ZNHIT6: variants seen among roughly 807,000 people sequenced by gnomAD.
The protein encoded by ZNHIT6 is zinc finger HIT-type containing 6.
Under a neutral mutation model 57.2 loss-of-function variants are expected in ZNHIT6, and 45 were observed. The ratio of observed to expected loss-of-function variants is 0.79; its 90% CI spans 0.62 to 1.01. The LOEUF is 1.01. ZNHIT6 is among the 50% of genes least tolerant of loss of function. ZNHIT6 has a pLI of 0.00. For synonymous variants in ZNHIT6, 188 were observed against 190.0 expected (o/e 0.99, Z 0.09); for missense variants, 528 against 567.3 (o/e 0.93, Z 0.70).
chr1:85,679,337 A>C (rs1311769163), intron 6 of ZNHIT6, among the ~76,000 whole-genome samples: 5 of 152,164 alleles, frequency 3.3e-5, no homozygotes, highest in African/African-American at 1.2e-4. Context: ...TTCCTCAACC[A>C]TTTATACATA....
chr1:85,703,447 G>C (rs1022849354), intron 4 of ZNHIT6, among the ~76,000 whole-genome samples: 3 of 152,104 alleles, frequency 2.0e-5, no homozygotes, highest in African/African-American at 7.2e-5. Context: ...ATACCAGTAG[G>C]CCAACAGAAT....
intron 8 of ZNHIT6, among the ~76,000 whole-genome samples, chr1:85,667,478 T>C (rs1570292509): frequency 1.3e-5 from 2 of 152,114 alleles, no homozygotes; most frequent in Admixed American, 6.6e-5. Flanking sequence ...TTGTACATTC[T>C]TAAATTGACA....
Position 85,707,790 on chromosome 1 carries a change from C to T in ZNHIT6, c.495G>A (p.Glu165=). 1.2e-6 allele frequency: 2 copies of T among 1,614,062 alleles called. No individual in the cohort carries two copies. The highest frequency in any genetic ancestry group is 1.7e-6 in the Non-Finnish European group (2 of 1,179,956). The change falls in exon 1 of 10, where the codon GAG becomes GAA. Residue 165 remains glutamate, a synonymous_variant. Transcript: ENST00000370574. ...CTTTTATGCATTGACCAACAAACTT[C>T]TCCTCCTGTTTTATCTCCAAGTTAT... is the stretch of plus-strand genomic sequence containing the variant. ...EKDNLEIKQE[E]KFVGQCIKEE...
intron 9 of ZNHIT6, among the ~76,000 whole-genome samples, chr1:85,657,158 T>A (rs1661083161): frequency 6.6e-6 from 1 of 152,160 alleles, no homozygotes; most frequent in African/African-American, 2.4e-5. Context: ...AGAAGCACAG[T>A]TAGTTTACTT....
chr1:85,704,939 G>A (rs1206654208), intron 4 of ZNHIT6, among the ~76,000 whole-genome samples: 1 of 152,138 alleles, frequency 6.6e-6, no homozygotes, highest in Non-Finnish European at 1.5e-5. Context: ...GCAAGAGTAT[G>A]AAAATTAAGT....
chr1:85,688,401 T>A (rs1309155877), intron 5 of ZNHIT6, among the ~76,000 whole-genome samples: 1 of 152,214 alleles, frequency 6.6e-6, no homozygotes, highest in Non-Finnish European at 1.5e-5. Flanking sequence ...CTTTCTAGAA[T>A]TGAAAGTTCA....
At chr1:85,673,634 G>T (rs1661625472) in intron 8 of ZNHIT6, among the ~76,000 whole-genome samples, 2 of 152,170 alleles carry the variant, frequency 1.3e-5, no homozygotes, top group Admixed American at 1.3e-4. Flanking sequence ...TGATTTCTAA[G>T]CACTTTTCAG....
chr1:85,705,184 T>C (rs1347373295), intron 4 of ZNHIT6, among the ~76,000 whole-genome samples: 1 of 152,154 alleles, frequency 6.6e-6, no homozygotes, highest in Non-Finnish European at 1.5e-5. Context: ...GGTTTCCATT[T>C]GCACTTAGAA....
intron 8 of ZNHIT6, among the ~76,000 whole-genome samples, chr1:85,667,961 A>AAAAAAAAAAAAAAATGTATATATATAT: frequency 0.021 from 384 of 18,150 alleles, 109 homozygotes; most frequent in Non-Finnish European, 0.024. Flanking sequence ...AAAAAAAAAA[A>AAAAAAAAAAAAAAATGTATATATATAT]ATATATATAT....
intron 5 of ZNHIT6, among the ~76,000 whole-genome samples, chr1:85,699,594 G>A (rs1662471292): frequency 6.6e-6 from 1 of 152,052 alleles, no homozygotes. Flanking sequence ...AACTAAAATA[G>A]GCACTCATAC....
At chr1:85,657,679 G>A (rs928867038) in intron 9 of ZNHIT6, among the ~76,000 whole-genome samples, 168 bp downstream of exon 9, 1 of 152,126 alleles carries the variant, frequency 6.6e-6, no homozygotes, top group Non-Finnish European at 1.5e-5. Flanking sequence ...AAACAGAAGA[G>A]TAGCAGCATT....
chr1:85,675,088 T>C (rs1007719320), intron 8 of ZNHIT6, among the ~76,000 whole-genome samples: 3 of 152,148 alleles, frequency 2.0e-5, no homozygotes, highest in Admixed American at 6.5e-5. Flanking sequence ...GCCCGTAAGA[T>C]GTTATGTCCC....
intron 5 of ZNHIT6, among the ~76,000 whole-genome samples, chr1:85,687,308 A>AAAAAAAAAAAAAAAAAAT (rs1662088814): frequency 6.9e-6 from 1 of 145,142 alleles, no homozygotes; most frequent in African/African-American, 2.5e-5. Context: ...ACAAAAAAAA[A>AAAAAAAAAAAAAAAAAAT]AAACAATTTA....
At chr1:85,699,813 T>G (rs988922423) in intron 5 of ZNHIT6, among the ~76,000 whole-genome samples, 1 of 152,066 alleles carries the variant, frequency 6.6e-6, no homozygotes, top group African/African-American at 2.4e-5. Flanking sequence ...AGACATAAAA[T>G]AAATGTTCAT....
intron 5 of ZNHIT6, among the ~76,000 whole-genome samples, chr1:85,700,746 C>A: frequency 6.6e-6 from 1 of 152,304 alleles, no homozygotes; most frequent in South Asian, 2.1e-4. Context: ...ATGTCAATTT[C>A]TAAATATGCC....
At chr1:85,662,780 A>G (rs781345104) in intron 8 of ZNHIT6, among the ~76,000 whole-genome samples, 2 of 152,202 alleles carry the variant, frequency 1.3e-5, no homozygotes, top group Non-Finnish European at 2.9e-5. Flanking sequence ...AGAGTAGATC[A>G]TGAATTGTGT....
In ZNHIT6 at chr1:85,650,039, A is replaced by C. The variant is rs957629259; in HGVS notation, c.*4019T>G. 6.6e-6 allele frequency: 1 copy of C among 152,202 alleles called. No individual in the cohort carries two copies. Among genetic ancestry groups the C allele is most frequent in the Non-Finnish European group, 1.5e-5 (1 of 68,030 alleles). The allele number at this position is 152,202 out of a possible 1,614,324, so 9.4% of individuals were successfully genotyped here. A position where few individuals can be genotyped will look rare whatever the true frequency, so the allele number is the denominator to read the frequency against. The stretch of plus-strand genomic sequence containing the variant: ...TCAAACAGGGTGCAATGAATGTGTT[A>C]CTTTCGTATTCCCAGTAACTACCTT... On this transcript the variant is annotated 3_prime_UTR_variant, in exon 10 of 10. Coordinates refer to ENST00000370574, the MANE Select transcript of ZNHIT6 (RefSeq NM_017953.4).
At chr1:85,700,689 T>A (rs1426696575) in intron 5 of ZNHIT6, among the ~76,000 whole-genome samples, 1 of 152,116 alleles carries the variant, frequency 6.6e-6, no homozygotes, top group Non-Finnish European at 1.5e-5. Context: ...GAGAAAGCAC[T>A]AACCAGTTAC....
chr1:85,677,565 G>A (rs1202586703), intron 7 of ZNHIT6, among the ~76,000 whole-genome samples: 3 of 152,104 alleles, frequency 2.0e-5, no homozygotes, highest in African/African-American at 7.2e-5. Flanking sequence ...TTACAAAAAT[G>A]TATCCTATTC....
Sources: gnomAD v4.1 joint callset for allele counts (sites outside exome capture counted in the v4.1 genomes callset) on GRCh38, gnomAD v4.1.1 for gene constraint, MANE v1.5 for transcripts, NCBI Gene and HGNC (gene_info 2026-07-23, HGNC 2026-07-21) for gene names.